The following INPP4B variants were observed in gnomAD, a reference collection of about 807,000 sequenced individuals.
INPP4B encodes inositol polyphosphate-4-phosphatase type II B, also known as inositol polyphosphate 4-phosphatase type II.
In INPP4B, 55 loss-of-function variants were observed where a neutral mutation model predicts 122.5. That is an observed-to-expected ratio of 0.45 (90% CI 0.36 to 0.56). The LOEUF (loss-of-function observed/expected upper bound fraction) is 0.56, where lower values mean the gene tolerates loss of function less well. Among genes scored for constraint, INPP4B ranks in the 20% least tolerant of loss-of-function variants. INPP4B has a pLI of 0.00. For missense variants in INPP4B, 1,000 were observed against 1,097.7 expected (o/e 0.91, Z 1.26); for synonymous variants, 403 against 388.7 (o/e 1.04, Z -0.43).
chr4:142,039,423 C>G (rs780244264), intron 25 of INPP4B, among the ~76,000 whole-genome samples: 1 of 151,358 alleles, frequency 6.6e-6, no homozygotes, highest in Non-Finnish European at 1.5e-5. Context: ...TATAAAATTC[C>G]GAGAAAATAG....
chr4:142,476,446 C>A lies in INPP4B; in HGVS notation c.-190-13720G>T, dbSNP rs148671986. Among the ~76,000 whole-genome samples the A allele has an allele frequency of 4.9e-3, 752 of 152,156 alleles. 7 individuals are homozygous for A. Among genetic ancestry groups the A allele is most frequent in the African/African-American group, 0.017 (718 of 41,526 alleles). On this transcript the variant is annotated intron_variant, in intron 2 of 25. Coordinates refer to ENST00000262992, the MANE Select transcript of INPP4B (RefSeq NM_001101669.3). Reference sequence around the variant, plus strand: ...CACACAATCAAGTCTGCATGATAACCAGCTAACAACACAAGGACAGGCTCA... The same window carrying A: ...CACACAATCAAGTCTGCATGATAACAAGCTAACAACACAAGGACAGGCTCA...
chr4:142,620,680 G>A lies in INPP4B; in HGVS notation c.-191+105159C>T, dbSNP rs1002350139. Among the ~76,000 whole-genome samples the A allele has an allele frequency of 3.3e-5, 5 of 151,814 alleles. No individual in the cohort carries two copies. The South Asian group carries it at 6.2e-4, about 19-fold the overall frequency. On this transcript the variant is annotated intron_variant, in intron 2 of 25. Transcript: ENST00000262992. ...ATAAGAGTTAAAAAAATAAAGATAT[G>A]AGTATTAAAAATAAAAAAAAGTTAA...
intron 12 of INPP4B, among the ~76,000 whole-genome samples, chr4:142,216,026 C>CT (rs1358339970): frequency 1.4e-5 from 2 of 143,504 alleles, no homozygotes; most frequent in Non-Finnish European, 3.0e-5. Flanking sequence ...TACATAAATG[C>CT]TTTTTTAAAT....
chr4:142,637,284 C>T (rs1442835800), intron 2 of INPP4B, among the ~76,000 whole-genome samples: 2 of 152,110 alleles, frequency 1.3e-5, no homozygotes, highest in Non-Finnish European at 2.9e-5. Flanking sequence ...AGGATATACA[C>T]CATTGTAGTA....
At chr4:142,464,207 A>T (rs1183552162) in intron 2 of INPP4B, among the ~76,000 whole-genome samples, 1 of 152,186 alleles carries the variant, frequency 6.6e-6, no homozygotes, top group East Asian at 1.9e-4. Context: ...ATGTGTATAA[A>T]AATGTTACCT....
intron 11 of INPP4B, among the ~76,000 whole-genome samples, chr4:142,256,614 A>T (rs923333127): frequency 3.9e-5 from 6 of 152,248 alleles, no homozygotes; most frequent in Non-Finnish European, 2.9e-5. Context: ...GAAGAAATGG[A>T]TAAATTGCTC....
At chr4:142,228,417 T>C (rs1047382692) in intron 12 of INPP4B, among the ~76,000 whole-genome samples, 4 of 152,050 alleles carry the variant, frequency 2.6e-5, no homozygotes, top group Non-Finnish European at 4.4e-5. Flanking sequence ...TATACTTAAA[T>C]GTAAAAAATG....
chr4:142,836,413 TGTGA>T (rs766681604), intron 1 of INPP4B, among the ~76,000 whole-genome samples: 104 of 152,146 alleles, frequency 6.8e-4, no homozygotes, highest in Non-Finnish European at 7.9e-4. Flanking sequence ...GGTGAGAGTG[TGTGA>T]GTGTGTGTGT....
At chr4:142,319,590 G>A (rs1019353056) in intron 7 of INPP4B, among the ~76,000 whole-genome samples, 2 of 152,302 alleles carry the variant, frequency 1.3e-5, no homozygotes, top group East Asian at 3.9e-4. Flanking sequence ...GTGCAGCCAT[G>A]TAGCTAGTTC....
chr4:142,355,759 A>C (rs143238129), intron 7 of INPP4B, among the ~76,000 whole-genome samples: 10 of 152,144 alleles, frequency 6.6e-5, no homozygotes, highest in African/African-American at 2.4e-4. Context: ...AGGCAGTGTT[A>C]ATCATGCAAA....
At chr4:142,554,150 T>C (rs1373124182) in intron 2 of INPP4B, among the ~76,000 whole-genome samples, 1 of 139,206 alleles carries the variant, frequency 7.2e-6, no homozygotes, top group Admixed American at 7.7e-5. Context: ...TATTGCCCAG[T>C]GCACTCCAGC....
intron 25 of INPP4B, among the ~76,000 whole-genome samples, chr4:142,055,652 T>G (rs529827328): frequency 7.9e-4 from 120 of 151,928 alleles, no homozygotes; most frequent in Non-Finnish European, 1.5e-3. Flanking sequence ...TTTAAAAGCA[T>G]TTGTTCAACA....
At chr4:142,582,200 A>G (rs1260294159) in intron 2 of INPP4B, among the ~76,000 whole-genome samples, 2 of 150,852 alleles carry the variant, frequency 1.3e-5, no homozygotes, top group African/African-American at 4.9e-5. Context: ...GGATACAAAA[A>G]AAAAAAAATC....
At chr4:142,506,164 C>G (rs1359112959) in intron 2 of INPP4B, among the ~76,000 whole-genome samples, 1 of 152,080 alleles carries the variant, frequency 6.6e-6, no homozygotes, top group African/African-American at 2.4e-5. Context: ...GTCCCACAAA[C>G]AATAAATATT....
intron 2 of INPP4B, among the ~76,000 whole-genome samples, chr4:142,556,993 T>C (rs1729342129): frequency 6.6e-6 from 1 of 152,108 alleles, no homozygotes; most frequent in Non-Finnish European, 1.5e-5. Flanking sequence ...TCCTCAAAGC[T>C]GCCCTGTCGT....
chr4:142,054,542 A>G (rs1756534417), intron 25 of INPP4B, among the ~76,000 whole-genome samples: 1 of 151,852 alleles, frequency 6.6e-6, no homozygotes, highest in Non-Finnish European at 1.5e-5. Flanking sequence ...ATACACACAC[A>G]CAATAATATA....
intron 14 of INPP4B, among the ~76,000 whole-genome samples, chr4:142,200,781 C>T (rs930053287): frequency 1.3e-5 from 2 of 151,900 alleles, no homozygotes; most frequent in Admixed American, 6.6e-5. Flanking sequence ...TAAAAGTCCC[C>T]AAATATTCTT....
chr4:142,230,022 T>G (rs575260505), intron 12 of INPP4B, among the ~76,000 whole-genome samples: 1 of 152,200 alleles, frequency 6.6e-6, no homozygotes, highest in Non-Finnish European at 1.5e-5. Flanking sequence ...AACTGGCAAG[T>G]CTAAATAGCC....
At chr4:142,445,164 C>A (rs1812631642) in intron 3 of INPP4B, among the ~76,000 whole-genome samples, 1 of 151,738 alleles carries the variant, frequency 6.6e-6, no homozygotes, top group Non-Finnish European at 1.5e-5. Flanking sequence ...ACATATATCC[C>A]AGAACTTAAA....
Sources: allele counts gnomAD v4.1 joint callset (sites outside exome capture counted in the v4.1 genomes callset), GRCh38; gene constraint gnomAD v4.1.1; transcripts MANE v1.5; gene names NCBI Gene and HGNC (gene_info 2026-07-23, HGNC 2026-07-21).